Variants in ANKRD50 observed in about 807,000 individuals in gnomAD.
ANKRD50 encodes the protein ankyrin repeat domain 50.
A neutral mutation model predicts 112.0 loss-of-function variants in ANKRD50; 40 were observed. That is an observed-to-expected ratio of 0.36 (90% CI 0.28 to 0.46). The LOEUF is 0.46. Among genes scored for constraint, ANKRD50 ranks in the 20% least tolerant of loss-of-function variants. ANKRD50 has a pLI of 1.00. For missense variants in ANKRD50, 1,487 were observed against 1,701.7 expected (o/e 0.87, Z 2.22); for synonymous variants, 613 against 619.1 (o/e 0.99, Z 0.15).
chr4:124,700,207 C>T (rs1415856112), intron 2 of ANKRD50, among the ~76,000 whole-genome samples: 1 of 152,150 alleles, frequency 6.6e-6, no homozygotes, highest in African/African-American at 2.4e-5. Flanking sequence ...CTGGCTGGAA[C>T]ATGGCTTATT....
chr4:124,672,230 C>G lies in ANKRD50; in HGVS notation c.1047G>C (p.Lys349Asn), dbSNP rs770510568. The G allele has an allele frequency of 6.2e-7, 1 of 1,613,656 alleles. No homozygotes were observed. The highest frequency in any genetic ancestry group is 8.5e-7 in the Non-Finnish European group (1 of 1,179,842). Reference sequence around the variant, plus strand: ...GAATCACATTCAAAATAGGCTGAACCTTTGCAAATTGTTTTCTTACAAAAA... The same window carrying G: ...GAATCACATTCAAAATAGGCTGAACGTTTGCAAATTGTTTTCTTACAAAAA... ...QRLFVRKQFAKVQPILNVILA... is the reference protein window; with the variant it reads ...QRLFVRKQFANVQPILNVILA... The change falls in exon 4 of 5, where the codon AAG becomes AAC. Residue 349 changes from lysine (K) to asparagine (N), a missense_variant. Lys to Asn is a moderately conservative substitution (Grantham distance 94). Around this residue, in one of 2 missense-constraint regions of ANKRD50, gnomAD observed 1,046 missense variants for 1,269.5 expected, o/e 0.82. Coordinates refer to ENST00000504087, the MANE Select transcript of ANKRD50 (RefSeq NM_020337.3).
intron 2 of ANKRD50, among the ~76,000 whole-genome samples, chr4:124,685,037 C>A (rs1025178048): frequency 1.6e-4 from 24 of 152,176 alleles, no homozygotes; most frequent in African/African-American, 5.6e-4. Context: ...ATATCTAAAG[C>A]AGCCCTCATC....
rs1391419713 is a variant in ANKRD50 at position 124,669,426 on chromosome 4, T to C, written c.3851A>G (p.Lys1284Arg). ...ENSAKSGSAG[K>R]KAKQSNSSQP... is the part of the protein sequence containing the mutation. ...TGAAGAATTACTTTGTTTCGCTTTT[T>C]TCCCAGCTGATCCAGACTTGGCAGA... Residue 1284 changes from lysine (K) to arginine (R), a missense_variant, in exon 4 of 5, where the codon AAA becomes AGA. Lys to Arg is a conservative substitution (Grantham distance 26, BLOSUM62 2). This residue lies in a region of ANKRD50 where 441 missense variants were observed against 432.2 expected (regional missense o/e 1.02). Coordinates refer to ENST00000504087, the MANE Select transcript of ANKRD50 (RefSeq NM_020337.3). 29 of 1,612,994 alleles carry C rather than the reference T, an allele frequency of 1.8e-5. No individual in the cohort carries two copies. Among genetic ancestry groups the C allele is most frequent in the Non-Finnish European group, 2.3e-5 (27 of 1,179,704 alleles).
rs775299063 is a variant in ANKRD50, at chr4:124,671,159, C to T, written c.2118G>A (p.Glu706=). Residue 706 remains glutamate, a synonymous_variant, in exon 4 of 5, where the codon GAG becomes GAA. Coordinates refer to ENST00000504087, the MANE Select transcript of ANKRD50 (RefSeq NM_020337.3). ...AGAGTGCAGTCCTGCCATCAACATC[C>T]TCATGATTTACTTCTGCTCCATGGT... ...LLDHGAEVNH[E]DVDGRTALSV... is the part of the protein sequence containing the mutation. 8 of 1,613,904 alleles carry T rather than the reference C, an allele frequency of 5.0e-6. No individual in the cohort carries two copies.
chr4:124,674,783 C>T (rs1730734578), intron 3 of ANKRD50, among the ~76,000 whole-genome samples: 1 of 151,470 alleles, frequency 6.6e-6, no homozygotes, highest in South Asian at 2.1e-4. Context: ...ATAAATCTCC[C>T]CCCAATCTAA....
Position 124,672,143 on chromosome 4 carries a change from C to CATGTTTTTGGTCCAT in ANKRD50, c.1119_1133dup (p.Asn377_Met378insIleTrpThrLysAsn), listed in dbSNP as rs1262942487. 1 of 1,613,872 alleles carries CATGTTTTTGGTCCAT rather than the reference C, an allele frequency of 6.2e-7. No individual in the cohort carries two copies. Among genetic ancestry groups the CATGTTTTTGGTCCAT allele is most frequent in the East Asian group, 2.2e-5 (1 of 44,874 alleles). ...GTTGAAAATCTTCCAAAGTTAACGA[C>CATGTTTTTGGTCCAT]ATGTTTTTGGTCCATACTGCGTGAT... On this transcript the variant is annotated inframe_insertion, in exon 4 of 5. Transcript: ENST00000504087.
At chr4:124,693,498 C>G (rs182395739) in intron 2 of ANKRD50, among the ~76,000 whole-genome samples, 1 of 152,164 alleles carries the variant, frequency 6.6e-6, no homozygotes, top group Admixed American at 6.5e-5. Context: ...AGTTAATTAC[C>G]TGCGATGTAT....
At position 124,666,514 on chromosome 4, in the gene ANKRD50, C is replaced by A. The variant is rs922359367; in HGVS notation, c.*1004G>T. ...TGATTTTGAGTGGGGCTATTTTGGT[C>A]ATGCAGCAATTTACAAAATAGAAAC... On this transcript the variant is annotated 3_prime_UTR_variant, in exon 5 of 5. Transcript: ENST00000504087. 2 of 152,348 alleles carry A rather than the reference C, an allele frequency of 1.3e-5. No homozygotes were observed. The highest frequency in any genetic ancestry group is 2.9e-5 in the Non-Finnish European group (2 of 67,916). 9.4% of individuals were successfully genotyped at this position (152,348 alleles called of 1,614,324 possible). A position where few individuals can be genotyped will look rare whatever the true frequency, so the allele number is the denominator to read the frequency against.
At position 124,671,141 on chromosome 4, in the gene ANKRD50, A is replaced by T; in HGVS notation, c.2136T>A (p.Thr712=). Residue 712 remains threonine, a synonymous_variant, in exon 4 of 5, where the codon ACT becomes ACA. Transcript: ENST00000504087. ...CACAAAGTGCAGCTACAGAGAGTGC[A>T]GTCCTGCCATCAACATCCTCATGAT... ...EVNHEDVDGR[T]ALSVAALCVP... 1 of 1,613,854 alleles carries T rather than the reference A, an allele frequency of 6.2e-7. No homozygotes were observed. Among genetic ancestry groups the T allele is most frequent in the South Asian group, 1.1e-5 (1 of 91,084 alleles).
chr4:124,678,550 C>A (rs1724796384), intron 3 of ANKRD50, 126 bp downstream of exon 3: 5 of 797,380 alleles, frequency 6.3e-6, no homozygotes, highest in African/African-American at 5.3e-5. Context: ...TCAAAACGCA[C>A]AATTGAGAAT....
rs1161905642 is a variant in ANKRD50, at chr4:124,669,108, T to G, written c.4169A>C (p.His1390Pro). The change falls in exon 4 of 5, where the codon CAT becomes CCT. Residue 1390 changes from histidine to proline, a missense_variant. Physicochemically the swap from His to Pro is moderately conservative, Grantham distance 77 (BLOSUM62 -2). This residue lies in a region of ANKRD50 where 441 missense variants were observed against 432.2 expected (regional missense o/e 1.02). Transcript: ENST00000504087. ...AGGGTATCCCTCCAACACTTCCTGA[T>G]GCCCTCTATCTTGCATTGTTCGTGG... Reference protein sequence around the residue: ...SVPRTMQDRGHQEVLEGYPSS... With the variant: ...SVPRTMQDRGPQEVLEGYPSS... The G allele has an allele frequency of 6.2e-7, 1 of 1,613,722 alleles. No individual in the cohort carries two copies. The highest frequency in any genetic ancestry group is 8.5e-7 in the Non-Finnish European group (1 of 1,179,760).
chr4:124,669,726 A>C lies in ANKRD50; in HGVS notation c.3551T>G (p.Leu1184Arg), dbSNP rs1454198362. Residue 1184 changes from leucine to arginine, a missense_variant, in exon 4 of 5, where the codon CTG becomes CGG. This residue lies in a region of ANKRD50 where 441 missense variants were observed against 432.2 expected (regional missense o/e 1.02). Transcript: ENST00000504087. The stretch of plus-strand genomic sequence containing the variant: ...CAAAGATGAATTTTTTGAGCTTTTC[A>C]GGGAATTATTTGACAGTGATGACTT... Reference protein sequence around the residue: ...RQKSSLSNNSLKSSKNSSLRT... With the variant: ...RQKSSLSNNSRKSSKNSSLRT... 1 of 1,613,180 alleles carries C rather than the reference A, an allele frequency of 6.2e-7. No individual in the cohort carries two copies. The highest frequency in any genetic ancestry group is 8.5e-7 in the Non-Finnish European group (1 of 1,179,756).
chr4:124,708,982 G>A (rs1725567967), intron 2 of ANKRD50, among the ~76,000 whole-genome samples: 1 of 150,456 alleles, frequency 6.6e-6, no homozygotes, highest in South Asian at 2.1e-4. Flanking sequence ...CATTAGATTT[G>A]AGGATATCAT....
rs1452434870 is a variant in ANKRD50 at position 124,668,990 on chromosome 4, T to A, written c.4287A>T (p.Leu1429Phe). ...TATGTTGACAAAATATTACCTTTTA[T>A]AATGGTGTTTCCTTTTTATAGTTGA... The part of the protein sequence containing the change: ...PSFNYKKETP[L>F] The change falls in exon 4 of 5, where the codon TTA becomes TTT. Residue 1429 changes from leucine to phenylalanine, a missense_variant. Physicochemically the swap from Leu to Phe is conservative, Grantham distance 22. Transcript: ENST00000504087. 6.3e-7 allele frequency: 1 copy of A among 1,598,666 alleles called. No homozygotes were observed. Among genetic ancestry groups the A allele is most frequent in the East Asian group, 2.2e-5 (1 of 44,796 alleles).
intron 2 of ANKRD50, among the ~76,000 whole-genome samples, chr4:124,699,680 T>C (rs1725344569): frequency 6.6e-6 from 1 of 152,008 alleles, no homozygotes; most frequent in Non-Finnish European, 1.5e-5. Context: ...TTAATTTCAA[T>C]GTAAATTTCA....
At chr4:124,704,755 G>A (rs1725466619) in intron 2 of ANKRD50, among the ~76,000 whole-genome samples, 1 of 152,168 alleles carries the variant, frequency 6.6e-6, no homozygotes, top group African/African-American at 2.4e-5. Context: ...ACGTTATGAA[G>A]AAGCATATGC....
intron 4 of ANKRD50, 150 bp downstream of exon 4, chr4:124,668,834 G>T: frequency 1.5e-6 from 1 of 651,162 alleles, no homozygotes; most frequent in Non-Finnish European, 2.5e-6. Context: ...GGAGAATTCT[G>T]ATGTAAAGGG....
rs1417725426 is a variant in ANKRD50, at chr4:124,665,719, TTTGAG to T, written c.*1794_*1798del. ...GAATTCAATACTTGAAACATTCACA[TTTGAG>T]TTATTAATATTGCCATGTCACCTTA... On this transcript the variant is annotated 3_prime_UTR_variant, in exon 5 of 5. Transcript: ENST00000504087. 12 of 152,404 alleles carry T rather than the reference TTTGAG, an allele frequency of 7.9e-5. No individual in the cohort carries two copies. The highest frequency in any genetic ancestry group is 1.3e-4 in the Admixed American group (2 of 15,224). 9.4% of individuals were successfully genotyped at this position (152,404 alleles called of 1,614,324 possible).
At position 124,669,978 on chromosome 4, in the gene ANKRD50, T is replaced by C. The variant is rs1020144166; in HGVS notation, c.3299A>G (p.Tyr1100Cys). Residue 1100 changes from tyrosine to cysteine, a missense_variant, in exon 4 of 5, where the codon TAT becomes TGT. This residue lies in a region of ANKRD50 where 441 missense variants were observed against 432.2 expected (regional missense o/e 1.02). Transcript: ENST00000504087. ...HSQIIKLLEK[Y>C]GASSLNGCSP... ...ACAGCCATTCAAACTAGATGCACCA[T>C]ATTTTTCTAATAATTTAATTATCTG... is the stretch of plus-strand genomic sequence containing the variant. 2 of 1,609,648 alleles carry C rather than the reference T, an allele frequency of 1.2e-6. No individual in the cohort carries two copies. The highest frequency in any genetic ancestry group is 1.7e-6 in the Non-Finnish European group (2 of 1,179,006).
Sources: gnomAD v4.1 joint callset for allele counts (sites outside exome capture counted in the v4.1 genomes callset) on GRCh38, gnomAD v4.1.1 for gene constraint, gnomAD v4.1.1 regional missense constraint, MANE v1.5 for transcripts, NCBI Gene and HGNC (gene_info 2026-07-23, HGNC 2026-07-21) for gene names.